LAMTOR4: variants seen among roughly 807,000 people sequenced by gnomAD.
LAMTOR4 encodes ragulator complex protein LAMTOR4.
Under a neutral mutation model 13.5 loss-of-function variants are expected in LAMTOR4, and 11 were observed. That is an observed-to-expected ratio of 0.82 (90% CI 0.51 to 1.35). LAMTOR4 has a LOEUF of 1.35. Ranked by LOEUF, LAMTOR4 falls within the 40% of genes most tolerant of loss-of-function variation. LAMTOR4 has a pLI of 0.00. For synonymous variants in LAMTOR4, 69 were observed against 52.3 expected, an observed-to-expected ratio of 1.32 and a Z score of -1.38; for missense variants, 128 against 126.2, an observed-to-expected ratio of 1.01 and a Z score of -0.07.
intron 2 of LAMTOR4, among the ~76,000 whole-genome samples, chr7:100,150,182 G>GGT (rs1798658443): frequency 6.6e-6 from 1 of 152,092 alleles, no homozygotes; most frequent in Non-Finnish European, 1.5e-5. Flanking sequence ...GCCTTTATTT[G>GGT]GTATTTCTTA....
At chr7:100,149,011 G>C (rs1301276862) in intron 1 of LAMTOR4, 36 bp downstream of exon 1, 2 of 1,603,388 alleles carry the variant, frequency 1.2e-6, no homozygotes, top group Admixed American at 1.7e-5. Flanking sequence ...GACCCGCCGG[G>C]GGTTCAGCGT....
chr7:100,152,722 A>C (rs2116948358), intron 2 of LAMTOR4: 1 of 152,510 alleles, frequency 6.6e-6, no homozygotes, highest in Non-Finnish European at 1.5e-5. Context: ...ACAGGGCAGC[A>C]AGTGTGAAGA....
chr7:100,149,200 A>C, intron 1 of LAMTOR4: 1 of 630,184 alleles, frequency 1.6e-6, no homozygotes, highest in East Asian at 2.8e-5. Context: ...GCGGAGACGA[A>C]GGGAGGTGAA....
chr7:100,150,963 T>C (rs1222575874), intron 2 of LAMTOR4, among the ~76,000 whole-genome samples: 2 of 148,382 alleles, frequency 1.3e-5, no homozygotes, highest in African/African-American at 5.0e-5. Flanking sequence ...TACTCCAGCC[T>C]GGGCGACAGA....
At chr7:100,153,842 G>C in intron 3 of LAMTOR4, 25 bp from the exon 4 acceptor site, 1 of 1,500,722 alleles carries the variant, frequency 6.7e-7, no homozygotes, top group East Asian at 2.4e-5. Flanking sequence ...CTCCTGGGGC[G>C]GGGGAAGGTG....
chr7:100,152,257 C>T (rs936792618), intron 2 of LAMTOR4, among the ~76,000 whole-genome samples: 1 of 152,074 alleles, frequency 6.6e-6, no homozygotes, highest in African/African-American at 2.4e-5. Flanking sequence ...AAAAAATTAG[C>T]CTGGCATGGA....
chr7:100,150,364 A>T (rs1348303354), intron 2 of LAMTOR4, among the ~76,000 whole-genome samples: 2 of 152,220 alleles, frequency 1.3e-5, no homozygotes, highest in African/African-American at 4.8e-5. Context: ...AAGGTAACTA[A>T]CTTTCCGGGA....
In LAMTOR4 at chr7:100,148,918, C is replaced by T. The variant is rs1584607202; in HGVS notation, c.-55C>T. ...GCGGCTGCAAGCACGTGACCGGGGC[C>T]TGAAGCCGGAAGCTACCTATCTGGT... On this transcript the variant is annotated 5_prime_UTR_variant, in exon 1 of 4. Transcript: ENST00000341942. The T allele has an allele frequency of 1.2e-6, 2 of 1,610,054 alleles. No homozygotes were observed. Among genetic ancestry groups the T allele is most frequent in the South Asian group, 1.1e-5 (1 of 91,060 alleles).
At position 100,149,027 on chromosome 7, in the gene LAMTOR4, C is replaced by T. The variant is rs1223731159; in HGVS notation, c.3+52C>T. Reference sequence around the variant, plus strand: ...ACCCGCCGGGGGTTCAGCGTCTCTGCTCCCCAGTCTGTGTGGTTTCCCCCT... The same window carrying T: ...ACCCGCCGGGGGTTCAGCGTCTCTGTTCCCCAGTCTGTGTGGTTTCCCCCT... On this transcript the variant is annotated intron_variant, in intron 1 of 3. Transcript: ENST00000341942. 1.9e-6 allele frequency: 3 copies of T among 1,590,566 alleles called. No homozygotes were observed. The Admixed American group carries it at 5.1e-5, about 27-fold the overall frequency.
At chr7:100,149,035 T>A in intron 1 of LAMTOR4, 60 bp downstream of exon 1, 1 of 1,582,640 alleles carries the variant, frequency 6.3e-7, no homozygotes, top group Non-Finnish European at 8.6e-7. Context: ...TGCTCCCCAG[T>A]CTGTGTGGTT....
chr7:100,149,291 G>C (rs1798625810), intron 1 of LAMTOR4: 2 of 616,082 alleles, frequency 3.2e-6, no homozygotes, highest in Non-Finnish European at 5.8e-6. Context: ...GGCCAGGGGA[G>C]CCCGGGGGCG....
intron 2 of LAMTOR4, among the ~76,000 whole-genome samples, chr7:100,151,378 G>GT (rs1209891085): frequency 3.3e-5 from 5 of 149,294 alleles, no homozygotes; most frequent in Admixed American, 1.3e-4. Flanking sequence ...CACCCGGCCT[G>GT]TTTTTTTGTT....
chr7:100,154,185 A>C lies in LAMTOR4; in HGVS notation c.*221A>C. The C allele has an allele frequency of 2.1e-5, 11 of 521,932 alleles. No individual in the cohort carries two copies. The highest frequency in any genetic ancestry group is 3.3e-5 in the East Asian group (1 of 30,048). The allele number at this position is 521,932 out of a possible 1,614,324, so 32.3% of individuals were successfully genotyped here. ...TGTGCTCCCTCACTCCCTAATAAAC[A>C]TGAGTCTGATGTTCTCCAGCCCAGG... On this transcript the variant is annotated 3_prime_UTR_variant, in exon 4 of 4. Coordinates refer to ENST00000341942, the MANE Select transcript of LAMTOR4 (RefSeq NM_001008395.4).
At chr7:100,150,754 G>C (rs2116942712) in intron 2 of LAMTOR4, among the ~76,000 whole-genome samples, 1 of 152,078 alleles carries the variant, frequency 6.6e-6, no homozygotes, top group East Asian at 1.9e-4. Flanking sequence ...GGGAGGCCAA[G>C]GCGGGCGGAT....
Position 100,148,981 on chromosome 7 carries a change from T to C in LAMTOR4, c.3+6T>C. ...CAGCACCGAAGACTGCGATGGTGAG[T>C]GAGGACGCATGCGCGAGAGGACCCG... On this transcript the variant is annotated splice_donor_region_variant and intron_variant, in intron 1 of 3. Coordinates refer to ENST00000341942, the MANE Select transcript of LAMTOR4 (RefSeq NM_001008395.4). The C allele has an allele frequency of 1.2e-6, 2 of 1,609,910 alleles. No homozygotes were observed. Among genetic ancestry groups the C allele is most frequent in the South Asian group, 2.2e-5 (2 of 91,012 alleles).
At chr7:100,149,467 T>A in intron 1 of LAMTOR4, 32 bp from the exon 2 acceptor site, 1 of 1,484,498 alleles carries the variant, frequency 6.7e-7, no homozygotes, top group Non-Finnish European at 9.4e-7. Flanking sequence ...CCCTCTAGCA[T>A]GCTTCTCACG....
In LAMTOR4 at chr7:100,154,037, G is replaced by C; in HGVS notation, c.*73G>C. 1.7e-6 allele frequency: 2 copies of C among 1,184,952 alleles called. No individual in the cohort carries two copies. Among genetic ancestry groups the C allele is most frequent in the Non-Finnish European group, 2.5e-6 (2 of 814,564 alleles). The allele number at this position is 1,184,952 out of a possible 1,614,324, so 73.4% of individuals were successfully genotyped here. On this transcript the variant is annotated 3_prime_UTR_variant, in exon 4 of 4. Transcript: ENST00000341942. ...CTGTGATGAGGCAGGCACACCTGTC[G>C]GTCTTGGCTTGCTGCTAGAACTAGG...
chr7:100,153,611 C>G (rs575298780), intron 3 of LAMTOR4, 94 bp downstream of exon 3: 3 of 1,110,338 alleles, frequency 2.7e-6, no homozygotes, highest in South Asian at 2.5e-5. Flanking sequence ...CTCCTACCAT[C>G]TCCTGGGGTC....
In LAMTOR4 at chr7:100,149,026, G is replaced by C. The variant is rs1010144017; in HGVS notation, c.3+51G>C. 1.9e-6 allele frequency: 3 copies of C among 1,594,716 alleles called. No individual in the cohort carries two copies. In the African/African-American group the frequency reaches 4.0e-5, roughly 21 times the overall value. On this transcript the variant is annotated intron_variant, in intron 1 of 3. Transcript: ENST00000341942. ...GACCCGCCGGGGGTTCAGCGTCTCT[G>C]CTCCCCAGTCTGTGTGGTTTCCCCC...
Sources: gnomAD v4.1 joint callset for allele counts (sites outside exome capture counted in the v4.1 genomes callset) on GRCh38, gnomAD v4.1.1 for gene constraint, MANE v1.5 for transcripts, NCBI Gene and HGNC (gene_info 2026-07-23, HGNC 2026-07-21) for gene names.